PAPPA: variants seen among roughly 807,000 people sequenced by gnomAD.
PAPPA encodes the protein pappalysin 1.
In PAPPA, 60 loss-of-function variants were observed where a neutral mutation model predicts 164.0. The observed-to-expected ratio is 0.37, with a 90% confidence interval of 0.30 to 0.45. The LOEUF (loss-of-function observed/expected upper bound fraction) is 0.45, where lower values mean the gene tolerates loss of function less well. Ranked by LOEUF, PAPPA falls within the 20% of genes least tolerant of loss-of-function variation. The pLI is 1.00. For missense variants in PAPPA, 1,782 were observed against 2,087.3 expected (o/e 0.85, Z 2.85); for synonymous variants, 875 against 814.1 (o/e 1.07, Z -1.27).
intron 1 of PAPPA, among the ~76,000 whole-genome samples, chr9:116,166,149 A>T (rs2118981995): frequency 6.6e-6 from 1 of 152,320 alleles, no homozygotes; most frequent in African/African-American, 2.4e-5. Context: ...TGTCAGAAAC[A>T]TTACACAGTG....
intron 19 of PAPPA, among the ~76,000 whole-genome samples, chr9:116,370,507 A>G (rs1258186918): frequency 7.0e-6 from 1 of 142,546 alleles, no homozygotes; most frequent in East Asian, 2.2e-4. Context: ...AATAGTTAAC[A>G]ACTGGCTCTC....
chr9:116,200,902 T>C (rs1312808316), intron 2 of PAPPA, among the ~76,000 whole-genome samples: 3 of 152,196 alleles, frequency 2.0e-5, no homozygotes, highest in Non-Finnish European at 4.4e-5. Flanking sequence ...GAATGACTCA[T>C]TCAATAACTA....
intron 10 of PAPPA, among the ~76,000 whole-genome samples, chr9:116,315,515 C>T (rs972285717): frequency 2.6e-5 from 4 of 152,192 alleles, no homozygotes; most frequent in Non-Finnish European, 5.9e-5. Context: ...AAGTAGGAAA[C>T]AGCTTCTGGA....
intron 9 of PAPPA, chr9:116,287,469 G>C (rs1845354103): frequency 6.6e-6 from 1 of 152,190 alleles, no homozygotes. Flanking sequence ...GAGGGAACAT[G>C]GTCCACTCAG....
rs532920558 is a variant in PAPPA, at chr9:116,172,017, T to C, written c.416-15137T>C. On this transcript the variant is annotated intron_variant, in intron 1 of 21. Coordinates refer to ENST00000328252, the MANE Select transcript of PAPPA (RefSeq NM_002581.5). ...ATTGCTGCTCTCTGGAAGTTGAGTCTACTCTAGCTCCCTATTACCTATGCA... is the reference window on the plus strand; with the variant it reads ...ATTGCTGCTCTCTGGAAGTTGAGTCCACTCTAGCTCCCTATTACCTATGCA... 5.3e-5 allele frequency among the ~76,000 whole-genome samples: 8 copies of C among 152,364 alleles called. No individual in the cohort carries two copies. In the East Asian group the frequency reaches 1.4e-3, roughly 26 times the overall value.
At chr9:116,378,439 G>A (rs976499737) in intron 20 of PAPPA, among the ~76,000 whole-genome samples, 1 of 152,168 alleles carries the variant, frequency 6.6e-6, no homozygotes, top group African/African-American at 2.4e-5. Context: ...CCAGGTGGAT[G>A]GCCAAATCTC....
intron 21 of PAPPA, among the ~76,000 whole-genome samples, chr9:116,393,977 G>T (rs989020438): frequency 2.6e-5 from 4 of 152,180 alleles, no homozygotes; most frequent in Non-Finnish European, 5.9e-5. Flanking sequence ...CTTGAGTGAG[G>T]TGCAGCAGAA....
chr9:116,370,796 C>G (rs1209019458), intron 19 of PAPPA, among the ~76,000 whole-genome samples: 2 of 152,208 alleles, frequency 1.3e-5, no homozygotes, highest in African/African-American at 4.8e-5. Flanking sequence ...GATCACAGGT[C>G]ATGATGTGGA....
intron 20 of PAPPA, among the ~76,000 whole-genome samples, chr9:116,378,352 C>T (rs549499242): frequency 6.6e-6 from 1 of 152,180 alleles, no homozygotes; most frequent in Non-Finnish European, 1.5e-5. Flanking sequence ...CCACGGAACT[C>T]AAAGACATTT....
At chr9:116,200,922 A>G (rs985742418) in intron 2 of PAPPA, among the ~76,000 whole-genome samples, 1 of 152,144 alleles carries the variant, frequency 6.6e-6, no homozygotes, top group Non-Finnish European at 1.5e-5. Flanking sequence ...AAATAAAGGA[A>G]TGATCAATTT....
chr9:116,370,808 A>C (rs1226839684), intron 19 of PAPPA, among the ~76,000 whole-genome samples: 1 of 152,246 alleles, frequency 6.6e-6, no homozygotes, highest in Non-Finnish European at 1.5e-5. Context: ...TGATGTGGAC[A>C]CCAGGACAGT....
intron 20 of PAPPA, among the ~76,000 whole-genome samples, 200 bp downstream of exon 20, chr9:116,377,847 C>T (rs534169900): frequency 1.1e-4 from 16 of 152,202 alleles, no homozygotes; most frequent in Non-Finnish European, 1.8e-4. Flanking sequence ...AAGAAACATA[C>T]TAAAAAGCAT....
chr9:116,380,038 A>C (rs921470306), intron 20 of PAPPA, among the ~76,000 whole-genome samples: 2 of 152,172 alleles, frequency 1.3e-5, no homozygotes, highest in Admixed American at 1.3e-4. Context: ...CAGGGACTTC[A>C]CTGAGCTCCC....
chr9:116,274,304 C>T (rs1467054663), intron 9 of PAPPA, among the ~76,000 whole-genome samples: 1 of 152,198 alleles, frequency 6.6e-6, no homozygotes, highest in Non-Finnish European at 1.5e-5. Flanking sequence ...CTTAAAATCT[C>T]ATTATAGACA....
Position 116,188,083 on chromosome 9 carries a change from G to A in PAPPA, c.1345G>A (p.Val449Met), listed in dbSNP as rs151114477. The change falls in exon 2 of 22, where the codon GTG (valine) becomes ATG (methionine). Residue 449 changes from valine (V) to methionine (M), a missense_variant. Physicochemically the swap from Val to Met is conservative, Grantham distance 21. This residue lies in a region of PAPPA where 1,324 missense variants were observed against 1,656.9 expected (regional missense o/e 0.80). Transcript: ENST00000328252. ...CCGCCACCTGCGCCACCCTGCCTTC[G>A]TGAAGAAGCAGCACAACGGGGTGTG... The part of the protein sequence containing the change: ...DCRHLRHPAF[V>M]KKQHNGVCDM... 2,522 of 1,614,210 alleles carry A rather than the reference G, an allele frequency of 1.6e-3. 7 individuals carry two copies. Among genetic ancestry groups the A allele is most frequent in the Non-Finnish European group, 2.0e-3 (2,315 of 1,180,034 alleles).
chr9:116,320,897 A>G (rs777103342), intron 10 of PAPPA, among the ~76,000 whole-genome samples: 11 of 152,188 alleles, frequency 7.2e-5, no homozygotes, highest in Non-Finnish European at 1.3e-4. Flanking sequence ...AGAAGATCTC[A>G]GGTAGGAGAG....
intron 2 of PAPPA, among the ~76,000 whole-genome samples, chr9:116,203,470 T>A (rs449807): frequency 0.49 from 74,164 of 151,992 alleles, 18,820 homozygotes; most frequent in East Asian, 0.66. Flanking sequence ...AAAAGACAGA[T>A]GCTCACACAG....
rs114818861 is a variant in PAPPA, at chr9:116,348,015, C to T, written c.3964+806C>T. Among the ~76,000 whole-genome samples, 1,289 of 152,186 alleles carry T rather than the reference C, an allele frequency of 8.5e-3. 23 individuals are homozygous for T. The highest frequency in any genetic ancestry group is 0.03 in the African/African-American group (1,232 of 41,508). ...TTGATTATTACAGACCTCATTGTGG[C>T]TAATAATAATACTTAATCAAAATGA... On this transcript the variant is annotated intron_variant, in intron 15 of 21. Transcript: ENST00000328252.
At chr9:116,239,047 G>T (rs996155864) in intron 7 of PAPPA, among the ~76,000 whole-genome samples, 1 of 152,098 alleles carries the variant, frequency 6.6e-6, no homozygotes, top group Non-Finnish European at 1.5e-5. Flanking sequence ...TTTCTTTCCT[G>T]ACTCAACCCA....
Sources: gnomAD v4.1 joint callset for allele counts (sites outside exome capture counted in the v4.1 genomes callset) on GRCh38, gnomAD v4.1.1 for gene constraint, gnomAD v4.1.1 regional missense constraint, MANE v1.5 for transcripts, NCBI Gene and HGNC (gene_info 2026-07-23, HGNC 2026-07-21) for gene names.